Variants in MYOM1 observed in about 807,000 individuals in gnomAD.
The protein encoded by MYOM1 is myomesin-1.
A neutral mutation model predicts 205.3 loss-of-function variants in MYOM1; 164 were observed. The observed-to-expected ratio is 0.80, with a 90% confidence interval of 0.70 to 0.91. MYOM1 has a LOEUF of 0.91. Among genes scored for constraint, MYOM1 ranks in the 40% least tolerant of loss-of-function variants. The pLI is 0.00. For synonymous variants in MYOM1, 772 were observed against 789.4 expected (o/e 0.98, Z 0.37); for missense variants, 2,011 against 2,127.3 (o/e 0.95, Z 1.08).
At chr18:3,225,715 A>G in the MYOM1 span, among the ~76,000 whole-genome samples, 1 of 152,184 alleles carries the variant, frequency 6.6e-6, no homozygotes, top group Non-Finnish European at 1.5e-5. Flanking sequence ...GCCACATTTA[A>G]TATGTCCCAA....
In MYOM1 at chr18:3,123,875, G is replaced by A. The variant is rs545407823; in HGVS notation, c.2991+2826C>T. Among the ~76,000 whole-genome samples the A allele has an allele frequency of 7.3e-5, 11 of 150,136 alleles. 2 individuals are homozygous for A. Among genetic ancestry groups the A allele is most frequent in the African/African-American group, 2.5e-4 (10 of 40,072 alleles). The stretch of plus-strand genomic sequence containing the variant: ...CTCGCTCTGTCACCAAGCCTGGAGT[G>A]CAGTGGTGTGATCTCAGCTCACTGC... On this transcript the variant is annotated intron_variant, in intron 19 of 37. Coordinates refer to ENST00000356443, the MANE Select transcript of MYOM1 (RefSeq NM_003803.4).
At chr18:3,190,972 C>T (rs535317864) in intron 3 of MYOM1, among the ~76,000 whole-genome samples, 16 of 152,084 alleles carry the variant, frequency 1.1e-4, no homozygotes, top group African/African-American at 3.4e-4. Flanking sequence ...AGAAGCTAAA[C>T]TTCGAAAAAA....
intron 2 of MYOM1, among the ~76,000 whole-genome samples, chr18:3,196,695 T>C (rs2080992743): frequency 6.6e-6 from 1 of 152,222 alleles, no homozygotes; most frequent in South Asian, 2.1e-4. Context: ...CTTGTTAATA[T>C]GTCTACAGTT....
At chr18:3,089,288 G>A (rs375688907) in intron 28 of MYOM1, 47 bp from the exon 29 acceptor site, 1 of 1,457,274 alleles carries the variant, frequency 6.9e-7, no homozygotes, top group African/African-American at 1.4e-5. Flanking sequence ...AATCACAAAT[G>A]CAAAATCAAA....
chr18:3,127,305 A>ATATATTTTTTTTTTTT (rs56880961), intron 18 of MYOM1, among the ~76,000 whole-genome samples: 1 of 47,570 alleles, frequency 2.1e-5, no homozygotes, highest in Non-Finnish European at 3.6e-5. Flanking sequence ...ATATATATAT[A>ATATATTTTTTTTTTTT]TTTTTTTTTT....
At chr18:3,195,150 T>C (rs1456926942) in intron 2 of MYOM1, among the ~76,000 whole-genome samples, 3 of 152,182 alleles carry the variant, frequency 2.0e-5, no homozygotes, top group Admixed American at 2.0e-4. Context: ...AAAATGGATA[T>C]ATGACGATGC....
chr18:3,165,747 C>T (rs750265771), intron 9 of MYOM1, among the ~76,000 whole-genome samples: 5 of 152,244 alleles, frequency 3.3e-5, no homozygotes, highest in African/African-American at 7.2e-5. Context: ...GCCAGGCAAT[C>T]TGTCCCCACA....
Position 3,195,682 on chromosome 18 carries a change from G to T in MYOM1, c.291-1724C>A, listed in dbSNP as rs866884973. ...TAGTCTCATGAGCTCATTATTTTTTGACATTTATTTACATCAAAATAGCTA... is the reference window on the plus strand; with the variant it reads ...TAGTCTCATGAGCTCATTATTTTTTTACATTTATTTACATCAAAATAGCTA... On this transcript the variant is annotated intron_variant, in intron 2 of 37. Transcript: ENST00000356443. 4.0e-5 allele frequency among the ~76,000 whole-genome samples: 6 copies of T among 151,762 alleles called. No homozygotes were observed. In the South Asian group the frequency reaches 1.2e-3, roughly 32 times the overall value.
the MYOM1 span, among the ~76,000 whole-genome samples, chr18:3,241,074 A>G: frequency 6.6e-6 from 1 of 152,242 alleles, no homozygotes; most frequent in East Asian, 1.9e-4. Context: ...TAAGGGAAGC[A>G]GAGCATGAAA....
chr18:3,213,278 T>G (rs910653422), intron 2 of MYOM1, among the ~76,000 whole-genome samples: 16 of 152,234 alleles, frequency 1.1e-4, no homozygotes, highest in Non-Finnish European at 1.8e-4. Context: ...GGCTTAAATT[T>G]TGTAAGACTG....
At position 3,188,735 on chromosome 18, in the gene MYOM1, T is replaced by G. The variant is rs757489749; in HGVS notation, c.771+13A>C. 10 of 1,543,016 alleles carry G rather than the reference T, an allele frequency of 6.5e-6. No homozygotes were observed. The East Asian group carries it at 2.3e-4, about 35-fold the overall frequency. ...TCCACCTTTGTAAGTTACTTTAAAC[T>G]GTCTTTTCTTACTGTTTTCCTCAGG... On this transcript the variant is annotated intron_variant, in intron 4 of 37. Coordinates refer to ENST00000356443, the MANE Select transcript of MYOM1 (RefSeq NM_003803.4).
At chr18:3,183,074 C>T (rs746026893) in intron 5 of MYOM1, among the ~76,000 whole-genome samples, 11 of 152,102 alleles carry the variant, frequency 7.2e-5, no homozygotes, top group Non-Finnish European at 1.5e-4. Flanking sequence ...GGATTACAGG[C>T]ATGCTCCACC....
chr18:3,147,036 T>TATATAAATATTATATATTATATATAA (rs2080133125), intron 13 of MYOM1, among the ~76,000 whole-genome samples: 1 of 139,608 alleles, frequency 7.2e-6, no homozygotes, highest in African/African-American at 3.0e-5. Flanking sequence ...AGAAATATTA[T>TATATAAATATTATATATTATATATAA]ATATAAATAT....
At chr18:3,115,579 T>C (rs986639702) in intron 21 of MYOM1, among the ~76,000 whole-genome samples, 1 of 152,198 alleles carries the variant, frequency 6.6e-6, no homozygotes, top group Non-Finnish European at 1.5e-5. Context: ...GTCAGTCACA[T>C]TTCATTCTAA....
chr18:3,127,301 ATATATT>A (rs1484646134), intron 18 of MYOM1, among the ~76,000 whole-genome samples: 2 of 47,910 alleles, frequency 4.2e-5, no homozygotes, highest in East Asian at 7.7e-4. Flanking sequence ...ATATATATAT[ATATATT>A]TTTTTTTTTT....
In MYOM1 at chr18:3,071,890, C is replaced by T; in HGVS notation, c.4709-1G>A. The T allele has an allele frequency of 6.2e-7, 1 of 1,603,788 alleles. No individual in the cohort carries two copies. The highest frequency in any genetic ancestry group is 8.5e-7 in the Non-Finnish European group (1 of 1,175,042). On this transcript the variant is annotated splice_acceptor_variant, in intron 36 of 37. Transcript: ENST00000356443. LOFTEE classifies it high-confidence loss of function. ...AGACCTCCCAACACCCGGGCACGAT[C>T]TGCAAGCATAGGCATTTTGGGTTAA...
At chr18:3,227,849 G>A in the MYOM1 span, among the ~76,000 whole-genome samples, 1 of 152,076 alleles carries the variant, frequency 6.6e-6, no homozygotes, top group South Asian at 2.1e-4. Flanking sequence ...AAAAGCTGTA[G>A]AGATGTGTAA....
At chr18:3,214,894 T>A (rs750811299) in intron 2 of MYOM1, 40 bp downstream of exon 2, 35 of 1,537,090 alleles carry the variant, frequency 2.3e-5, no homozygotes, top group Non-Finnish European at 3.1e-5. Context: ...CACACGCCTC[T>A]TCCTGAGGTT....
At position 3,154,995 on chromosome 18, in the gene MYOM1, T is replaced by C; in HGVS notation, c.1595A>G (p.Gln532Arg). The C allele has an allele frequency of 1.2e-6, 2 of 1,613,300 alleles. No homozygotes were observed. Among genetic ancestry groups the C allele is most frequent in the Non-Finnish European group, 8.5e-7 (1 of 1,179,592 alleles). ...NKDYIIISWK[Q>R]PAVDGGSPIL... ...AGGACTCCCTCCATCGACAGCTGGC[T>C]GTTTCCAGGAGATGATGATATAATC... is the stretch of plus-strand genomic sequence containing the variant. Residue 532 changes from glutamine to arginine, a missense_variant, in exon 11 of 38, where the codon CAG (glutamine) becomes CGG (arginine). Physicochemically the swap from Gln to Arg is conservative, Grantham distance 43 (BLOSUM62 1). Coordinates refer to ENST00000356443, the MANE Select transcript of MYOM1 (RefSeq NM_003803.4).
Sources: gnomAD v4.1 joint callset for allele counts (sites outside exome capture counted in the v4.1 genomes callset) on GRCh38, gnomAD v4.1.1 for gene constraint, MANE v1.5 for transcripts, NCBI Gene and HGNC (gene_info 2026-07-23, HGNC 2026-07-21) for gene names.